The following NR3C1 variants were observed in gnomAD, a reference collection of about 807,000 sequenced individuals.
NR3C1 encodes the protein nuclear receptor subfamily 3 group C member 1, also known as glucocorticoid receptor.
NR3C1 carries 14 observed loss-of-function variants against 74.0 expected under a neutral mutation model. The observed-to-expected ratio is 0.19, with a 90% CI of 0.12 to 0.30. NR3C1 has a LOEUF of 0.30. Ranked by LOEUF, NR3C1 falls within the 10% of genes least tolerant of loss-of-function variation. The probability of loss-of-function intolerance (pLI) is 1.00; values close to 1 mark genes in which losing one functional copy is unlikely to be tolerated. For missense variants in NR3C1, 695 were observed against 909.8 expected, an observed-to-expected ratio of 0.76 and a Z score of 3.04; for synonymous variants, 308 against 332.5, an observed-to-expected ratio of 0.93 and a Z score of 0.80.
rs148039854 is a variant in NR3C1, at chr5:143,371,605, G to A, written c.1184+28051C>T. Reference sequence around the variant, plus strand: ...AAAAACCGTGGGCTTGGCGAGAAGAGCCTTGGGGTCCCACCCCATCCCTGT... The same window carrying A: ...AAAAACCGTGGGCTTGGCGAGAAGAACCTTGGGGTCCCACCCCATCCCTGT... On this transcript the variant is annotated intron_variant, in intron 2 of 8. Coordinates refer to ENST00000394464, the MANE Select transcript of NR3C1 (RefSeq NM_000176.3). Among the ~76,000 whole-genome samples the A allele has an allele frequency of 4.3e-3, 661 of 152,324 alleles. 2 individuals are homozygous for A. Among genetic ancestry groups the A allele is most frequent in the African/African-American group, 0.015 (633 of 41,590 alleles).
chr5:143,376,388 CAT>C (rs750222402), intron 2 of NR3C1, among the ~76,000 whole-genome samples: 7 of 152,222 alleles, frequency 4.6e-5, no homozygotes, highest in Non-Finnish European at 1.0e-4. Context: ...ACTTCTTGCA[CAT>C]GATTCTTTCC....
At chr5:143,404,102 C>T, upstream of NR3C1, 1 of 985,436 alleles carries the variant, frequency 1.0e-6, no homozygotes, top group Non-Finnish European at 1.2e-6. Context: ...GGAGCTCGCT[C>T]TGCCCCTTGG....
intron 7 of NR3C1, among the ~76,000 whole-genome samples, chr5:143,293,716 T>C (rs1198492894): frequency 6.6e-6 from 1 of 152,190 alleles, no homozygotes; most frequent in Non-Finnish European, 1.5e-5. Context: ...ATTCCAGTAG[T>C]CTATCATAGT....
intron 7 of NR3C1, among the ~76,000 whole-genome samples, chr5:143,284,529 G>GT (rs1159597100): frequency 7.1e-6 from 1 of 140,754 alleles, no homozygotes; most frequent in Non-Finnish European, 1.6e-5. Context: ...ATGGCTTATA[G>GT]TTTTTTTCCC....
chr5:143,333,342 A>T, intron 2 of NR3C1: 1 of 657,416 alleles, frequency 1.5e-6, no homozygotes, highest in Admixed American at 2.4e-5. Flanking sequence ...ATTTAAGAGT[A>T]ACCTTGAGAT....
At chr5:143,311,038 C>T (rs1046943066) in intron 3 of NR3C1, among the ~76,000 whole-genome samples, 2 of 152,220 alleles carry the variant, frequency 1.3e-5, no homozygotes, top group African/African-American at 4.8e-5. Context: ...GAATAGGCCA[C>T]AAAATTGACC....
chr5:143,402,949 G>A (rs1253939920), intron 1 of NR3C1: 1 of 755,184 alleles, frequency 1.3e-6, no homozygotes, highest in African/African-American at 1.9e-5. Flanking sequence ...AGTTCGACAG[G>A]GCTCCGCTCG....
chr5:143,363,476 C>T (rs1340786210), intron 2 of NR3C1, among the ~76,000 whole-genome samples: 4 of 152,040 alleles, frequency 2.6e-5, no homozygotes, highest in Non-Finnish European at 5.9e-5. Flanking sequence ...TAGACAAAGA[C>T]TTAAAATCAT....
chr5:143,346,465 AG>A (rs1425190346), intron 2 of NR3C1, among the ~76,000 whole-genome samples: 1 of 152,216 alleles, frequency 6.6e-6, no homozygotes, highest in Non-Finnish European at 1.5e-5. Context: ...GCCTGAACAT[AG>A]TTTATGATTT....
upstream of NR3C1, chr5:143,405,311 C>T: frequency 1.0e-6 from 1 of 985,668 alleles, no homozygotes; most frequent in Non-Finnish European, 1.2e-6. Flanking sequence ...TGCTCGGGCG[C>T]TCGGCCACAG....
chr5:143,326,030 C>T (rs1180708212), intron 2 of NR3C1, among the ~76,000 whole-genome samples: 1 of 152,202 alleles, frequency 6.6e-6, no homozygotes, highest in East Asian at 1.9e-4. Context: ...TGTCAAGCTG[C>T]ATGCCTAGGT....
chr5:143,380,318 T>C lies in NR3C1; in HGVS notation c.1184+19338A>G, dbSNP rs560266711. Among the ~76,000 whole-genome samples the C allele has an allele frequency of 2.0e-5, 3 of 152,354 alleles. 1 individual carries two copies. In the East Asian group the frequency reaches 5.8e-4, roughly 29 times the overall value. ...TAAATCTACTTATAAACATCAGTAA[T>C]TGTGTATTTGAAAATCTACATTAAG... is the stretch of plus-strand genomic sequence containing the variant. On this transcript the variant is annotated intron_variant, in intron 2 of 8. Coordinates refer to ENST00000394464, the MANE Select transcript of NR3C1 (RefSeq NM_000176.3).
Position 143,318,209 on chromosome 5 carries a change from A to G in NR3C1, c.1185-4041T>C, listed in dbSNP as rs10045200. ...AAAGAGAAGTGCTACAGTCTTCCCC[A>G]TGAGCCTGTAGAAGGTTAATGGTCC... On this transcript the variant is annotated intron_variant, in intron 2 of 8. Coordinates refer to ENST00000394464, the MANE Select transcript of NR3C1 (RefSeq NM_000176.3). 4.4e-3 allele frequency among the ~76,000 whole-genome samples: 676 copies of G among 152,222 alleles called. 2 individuals are homozygous for G. Among genetic ancestry groups the G allele is most frequent in the African/African-American group, 0.015 (643 of 41,544 alleles).
At chr5:143,341,178 C>T (rs780107578) in intron 2 of NR3C1, among the ~76,000 whole-genome samples, 12 of 152,244 alleles carry the variant, frequency 7.9e-5, no homozygotes, top group African/African-American at 1.4e-4. Context: ...CAAATCACAG[C>T]TCCAAAGAAT....
chr5:143,428,587 T>C (rs1240605168), intron 1 of NR3C1, among the ~76,000 whole-genome samples: 1 of 152,206 alleles, frequency 6.6e-6, no homozygotes, highest in African/African-American at 2.4e-5. Flanking sequence ...AACATTTTAT[T>C]GGAACACAGC....
intron 1 of NR3C1, chr5:143,408,871 CA>C (rs1305931302): frequency 6.6e-6 from 1 of 152,176 alleles, no homozygotes; most frequent in East Asian, 1.9e-4. Context: ...CTCCTGCCCC[CA>C]CACCAGTCTT....
chr5:143,409,632 G>A (rs1343332129), intron 1 of NR3C1, among the ~76,000 whole-genome samples: 1 of 152,058 alleles, frequency 6.6e-6, no homozygotes, highest in African/African-American at 2.4e-5. Context: ...ACTTTATAAG[G>A]TAAGAGGTTC....
intron 2 of NR3C1, among the ~76,000 whole-genome samples, chr5:143,367,935 T>C (rs187207483): frequency 9.8e-5 from 15 of 152,286 alleles, no homozygotes; most frequent in Admixed American, 5.9e-4. Flanking sequence ...ACACGGAATA[T>C]AGGCAAAGTA....
chr5:143,418,810 C>T (rs929677900), intron 1 of NR3C1, among the ~76,000 whole-genome samples: 3 of 152,238 alleles, frequency 2.0e-5, no homozygotes, highest in Admixed American at 6.5e-5. Flanking sequence ...CTGGCTTGGA[C>T]GAGGGCAGAA....
Sources: allele counts gnomAD v4.1 joint callset (sites outside exome capture counted in the v4.1 genomes callset), GRCh38; gene constraint gnomAD v4.1.1; transcripts MANE v1.5; gene names NCBI Gene and HGNC (gene_info 2026-07-23, HGNC 2026-07-21).